The following ALG9 variants were observed in gnomAD, a reference collection of about 807,000 sequenced individuals.
ALG9 encodes the protein ALG9 alpha-1,2-mannosyltransferase.
Under a neutral mutation model 81.8 loss-of-function variants are expected in ALG9, and 55 were observed. The observed-to-expected ratio is 0.67, with a 90% confidence interval of 0.54 to 0.84. ALG9 has a LOEUF of 0.84. ALG9 is among the 40% of genes least tolerant of loss of function. The pLI, the probability that ALG9 is intolerant of heterozygous loss-of-function variation, is 0.00. For missense variants in ALG9, 629 were observed against 745.0 expected (o/e 0.84, Z 1.81); for synonymous variants, 278 against 274.3 (o/e 1.01, Z -0.13).
At chr11:111,852,967 G>A (rs1352670316) in intron 8 of ALG9, among the ~76,000 whole-genome samples, 1 of 151,306 alleles carries the variant, frequency 6.6e-6, no homozygotes, top group Non-Finnish European at 1.5e-5. Flanking sequence ...AAATGTCTGG[G>A]GTATACTCCC....
chr11:111,852,688 C>T (rs1555139718), intron 8 of ALG9, among the ~76,000 whole-genome samples: 2 of 152,106 alleles, frequency 1.3e-5, no homozygotes. Context: ...GTAATCCCAG[C>T]ACTTTGGGAG....
the ALG9 span, among the ~76,000 whole-genome samples, chr11:111,771,652 A>G: frequency 6.6e-6 from 1 of 152,274 alleles, no homozygotes; most frequent in East Asian, 1.9e-4. Context: ...GGTGGATGAC[A>G]GGGGCGGGAA....
intron 14 of ALG9, among the ~76,000 whole-genome samples, chr11:111,802,253 A>G (rs1949240198): frequency 6.6e-6 from 1 of 152,246 alleles, no homozygotes; most frequent in African/African-American, 2.4e-5. Context: ...AGATGTGTGG[A>G]GAAGGTTCAT....
At position 111,783,651 on chromosome 11, in the gene ALG9, C is replaced by T. The variant is rs1946153794; in HGVS notation, c.*2746G>A. On this transcript the variant is annotated 3_prime_UTR_variant, in exon 15 of 15. Transcript: ENST00000616540. ...GTTTTTCCCAGGCAAAGCTATCCTT[C>T]CTATACTAAAAAGTGATGGAGATTT... 1 of 152,108 alleles carries T rather than the reference C, an allele frequency of 6.6e-6. No individual in the cohort carries two copies. Among genetic ancestry groups the T allele is most frequent in the African/African-American group, 2.4e-5 (1 of 41,422 alleles). 9.4% of individuals were successfully genotyped at this position (152,108 alleles called of 1,614,324 possible).
intron 13 of ALG9, among the ~76,000 whole-genome samples, chr11:111,834,504 T>C (rs1223526978): frequency 6.6e-6 from 1 of 152,178 alleles, no homozygotes; most frequent in African/African-American, 2.4e-5. Context: ...TAATATCAAA[T>C]ATCATAATTC....
intron 8 of ALG9, among the ~76,000 whole-genome samples, chr11:111,852,937 C>T (rs548138155): frequency 2.1e-3 from 267 of 127,896 alleles, no homozygotes; most frequent in Admixed American, 6.0e-3. Flanking sequence ...AGTCTAACTC[C>T]ACCTCAAAAA....
intron 1 of ALG9, 23 bp from the exon 2 acceptor site, chr11:111,870,393 A>AC: frequency 6.6e-7 from 1 of 1,520,642 alleles, no homozygotes. Flanking sequence ...AAAAAAAAAA[A>AC]AAAAAAAAAA....
At chr11:111,787,868 G>T (rs1340929338) in intron 14 of ALG9, among the ~76,000 whole-genome samples, 1 of 152,156 alleles carries the variant, frequency 6.6e-6, no homozygotes, top group Non-Finnish European at 1.5e-5. Context: ...GGAAATTAAG[G>T]CTTCAACTTG....
chr11:111,800,548 G>C (rs1739327407), intron 14 of ALG9, among the ~76,000 whole-genome samples: 1 of 151,736 alleles, frequency 6.6e-6, no homozygotes, highest in African/African-American at 2.4e-5. Flanking sequence ...CAGATATTCA[G>C]TAAATACTTT....
At chr11:111,846,231 G>A (rs1363357240) in intron 8 of ALG9, among the ~76,000 whole-genome samples, 1 of 152,196 alleles carries the variant, frequency 6.6e-6, no homozygotes, top group Admixed American at 6.5e-5. Flanking sequence ...TGCGGAAGCA[G>A]GGCTAGCAAC....
In ALG9 at chr11:111,836,239, C is replaced by T; in HGVS notation, c.1528G>A (p.Ala510Thr). 1 of 1,614,020 alleles carries T rather than the reference C, an allele frequency of 6.2e-7. No individual in the cohort carries two copies. Among genetic ancestry groups the T allele is most frequent in the East Asian group, 2.2e-5 (1 of 44,878 alleles). ...ATCCGGGTGGCCAGAGGTCCTTCTGCAAAAGGTTTTGGTAACTGACCTCTG... is the reference window on the plus strand; with the variant it reads ...ATCCGGGTGGCCAGAGGTCCTTCTGTAAAAGGTTTTGGTAACTGACCTCTG... ...EFRGQLPKPFAEGPLATRIVP... is the reference protein window; with the variant it reads ...EFRGQLPKPFTEGPLATRIVP... Residue 510 changes from alanine (A) to threonine (T), a missense_variant, in exon 13 of 15, where the codon GCA becomes ACA. By Grantham distance (58) the Ala-to-Thr change is moderately conservative. Coordinates refer to ENST00000616540, the MANE Select transcript of ALG9 (RefSeq NM_024740.2).
intron 13 of ALG9, among the ~76,000 whole-genome samples, chr11:111,824,041 A>G (rs1025983739): frequency 7.9e-5 from 12 of 152,254 alleles, no homozygotes; most frequent in South Asian, 2.1e-4. Context: ...TCTCAACAAC[A>G]TATCTCAAAA....
At chr11:111,795,666 G>C (rs1366985368) in intron 14 of ALG9, among the ~76,000 whole-genome samples, 1 of 152,202 alleles carries the variant, frequency 6.6e-6, no homozygotes, top group African/African-American at 2.4e-5. Flanking sequence ...TAATGACTAG[G>C]AAGTTTACTG....
At chr11:111,870,470 G>T (rs1963980826) in intron 1 of ALG9, 100 bp from the exon 2 acceptor site, 1 of 1,382,836 alleles carries the variant, frequency 7.2e-7, no homozygotes, top group Non-Finnish European at 9.6e-7. Context: ...AAAGGGCAAG[G>T]GACATCAAAG....
intron 1 of ALG9, 200 bp downstream of exon 1, chr11:111,871,152 G>T: frequency 1.6e-6 from 2 of 1,278,534 alleles, no homozygotes; most frequent in South Asian, 2.7e-5. Flanking sequence ...TTACAGCGCA[G>T]TGGAGGGATC....
At chr11:111,864,236 C>T (rs1592397482) in intron 4 of ALG9, 1 of 859,952 alleles carries the variant, frequency 1.2e-6, no homozygotes, top group East Asian at 2.5e-5. Context: ...ACGAACTGGC[C>T]CGGCCCTCAC....
the ALG9 span, among the ~76,000 whole-genome samples, chr11:111,772,049 G>T: frequency 5.9e-5 from 9 of 152,204 alleles, no homozygotes; most frequent in African/African-American, 2.2e-4. Flanking sequence ...CTGTTCTACA[G>T]CTCATCACCA....
At chr11:111,794,832 T>C (rs1285970514) in intron 14 of ALG9, among the ~76,000 whole-genome samples, 1 of 152,232 alleles carries the variant, frequency 6.6e-6, no homozygotes, top group African/African-American at 2.4e-5. Flanking sequence ...CTACAACCTT[T>C]AGTGCAGAAC....
At chr11:111,842,492 G>A (rs1956373463) in intron 9 of ALG9, among the ~76,000 whole-genome samples, 1 of 152,030 alleles carries the variant, frequency 6.6e-6, no homozygotes, top group East Asian at 1.9e-4. Flanking sequence ...CACAACCATG[G>A]CTCACTGTAG....
Sources: gnomAD v4.1 joint callset for allele counts (sites outside exome capture counted in the v4.1 genomes callset) on GRCh38, gnomAD v4.1.1 for gene constraint, MANE v1.5 for transcripts, NCBI Gene and HGNC (gene_info 2026-07-23, HGNC 2026-07-21) for gene names.